Variants in PLG observed in about 807,000 individuals in gnomAD.
PLG encodes plasmin.
In PLG, 41 loss-of-function variants were observed where a neutral mutation model predicts 104.4. The ratio of observed to expected loss-of-function variants is 0.39; its 90% confidence interval spans 0.31 to 0.51. PLG has a LOEUF of 0.51. Ranked by LOEUF, PLG falls within the 20% of genes least tolerant of loss-of-function variation. The pLI is 0.76. For synonymous variants in PLG, 337 were observed against 357.1 expected (o/e 0.94, Z 0.63); for missense variants, 891 against 1,003.6 (o/e 0.89, Z 1.52).
At chr6:160,722,325 C>A (rs1582939893) in intron 9 of PLG, 83 bp from the exon 10 acceptor site, 2 of 899,238 alleles carry the variant, frequency 2.2e-6, no homozygotes, top group Non-Finnish European at 1.9e-6. Context: ...TCAGAGGCTA[C>A]CGTACTGTTT....
intron 1 of PLG, among the ~76,000 whole-genome samples, chr6:160,703,565 A>G (rs1009243581): frequency 6.6e-6 from 1 of 152,250 alleles, no homozygotes; most frequent in Non-Finnish European, 1.5e-5. Context: ...TACGCTTGAA[A>G]TTCAATCTAT....
Position 160,738,704 on chromosome 6 carries a change from C to T in PLG, c.1877+92C>T, listed in dbSNP as rs1041219632. 1.1e-6 allele frequency: 1 copy of T among 900,592 alleles called. No individual in the cohort carries two copies. Among genetic ancestry groups the T allele is most frequent in the African/African-American group, 1.6e-5 (1 of 61,230 alleles). The allele number at this position is 900,592 out of a possible 1,614,324, so 55.8% of individuals were successfully genotyped here. A position where few individuals can be genotyped will look rare whatever the true frequency, so the allele number is the denominator to read the frequency against. The stretch of plus-strand genomic sequence containing the variant: ...TTTCCTCCTTTCCTTTCTCACTCTT[C>T]CTCCCTTCCTTCTCTGGCTGTGACA... On this transcript the variant is annotated intron_variant, in intron 15 of 18. Coordinates refer to ENST00000308192, the MANE Select transcript of PLG (RefSeq NM_000301.5). This position sits in a 1 kb window ranked among gnomAD's most constrained non-coding sequence, Gnocchi z 6.8.
rs746782020 is a variant in PLG at position 160,726,314 on chromosome 6, A to G, written c.1256+3747A>G. On this transcript the variant is annotated intron_variant, in intron 10 of 18. Coordinates refer to ENST00000308192, the MANE Select transcript of PLG (RefSeq NM_000301.5). The surrounding 1 kb of genome is among the most constrained non-coding windows in gnomAD (Gnocchi z 4.4). ...AATTGGGAAATTATCAAATATCTGA[A>G]AATGAAACAACACATTTCCAAATAC... Among the ~76,000 whole-genome samples the G allele has an allele frequency of 7.2e-5, 11 of 152,106 alleles. No homozygotes were observed. Among genetic ancestry groups the G allele is most frequent in the Non-Finnish European group, 1.2e-4 (8 of 67,934 alleles).
At chr6:160,720,400 C>CT (rs951936874) in intron 9 of PLG, among the ~76,000 whole-genome samples, 1 of 83,654 alleles carries the variant, frequency 1.2e-5, no homozygotes, top group Non-Finnish European at 2.4e-5. Flanking sequence ...TCTCTTTTTT[C>CT]TTTTCTTTTC....
chr6:160,703,396 A>G (rs1777458820), intron 1 of PLG, among the ~76,000 whole-genome samples: 1 of 152,220 alleles, frequency 6.6e-6, no homozygotes, highest in Non-Finnish European at 1.5e-5. Context: ...AAAACTATTC[A>G]TACCCCCAAA....
rs1212148187 is a variant in PLG at position 160,739,619 on chromosome 6, G to A, written c.2018+411G>A. On this transcript the variant is annotated intron_variant, in intron 16 of 18. Transcript: ENST00000308192. This position sits in a 1 kb window ranked among gnomAD's most constrained non-coding sequence, Gnocchi z 4.4. ...TTTAAAAACCACAAGATCGAGTTGG[G>A]TGTCTGGTGTGGGTGCCTGTAATCC... is the stretch of plus-strand genomic sequence containing the variant. Among the ~76,000 whole-genome samples, 1 of 151,710 alleles carries A rather than the reference G, an allele frequency of 6.6e-6. No individual in the cohort carries two copies. The highest frequency in any genetic ancestry group is 1.5e-5 in the Non-Finnish European group (1 of 67,904).
At chr6:160,749,759 C>T (rs932213322) in intron 17 of PLG, among the ~76,000 whole-genome samples, 3 of 152,060 alleles carry the variant, frequency 2.0e-5, no homozygotes, top group Admixed American at 2.0e-4. Flanking sequence ...GTACCATCAC[C>T]ATCACCACCG....
chr6:160,714,634 C>A (rs560919229), intron 5 of PLG, among the ~76,000 whole-genome samples, 160 bp from the exon 6 acceptor site: 1 of 143,648 alleles, frequency 7.0e-6, no homozygotes, highest in Non-Finnish European at 1.6e-5. Context: ...AATCCTGAGT[C>A]CTTATTGCCA....
rs1370634112 is a variant in PLG at position 160,719,650 on chromosome 6, TA to T, written c.1096+815del. ...GAGTTTATCTCCACTACTCACTTAG[TA>T]AATTAATTTTTAATGGTTTTAGTAT... On this transcript the variant is annotated intron_variant, in intron 9 of 18. Coordinates refer to ENST00000308192, the MANE Select transcript of PLG (RefSeq NM_000301.5). This position sits in a 1 kb window ranked among gnomAD's most constrained non-coding sequence, Gnocchi z 4.1. Among the ~76,000 whole-genome samples, 2 of 152,180 alleles carry T rather than the reference TA, an allele frequency of 1.3e-5. No individual in the cohort carries two copies. Among genetic ancestry groups the T allele is most frequent in the Non-Finnish European group, 2.9e-5 (2 of 68,010 alleles).
At position 160,739,440 on chromosome 6, in the gene PLG, T is replaced by G. The variant is rs1351478988; in HGVS notation, c.2018+232T>G. 1.3e-5 allele frequency among the ~76,000 whole-genome samples: 2 copies of G among 152,176 alleles called. No homozygotes were observed. Among genetic ancestry groups the G allele is most frequent in the Non-Finnish European group, 2.9e-5 (2 of 68,022 alleles). ...TTCTCATGTGGAAAAAGAGTTGAAA[T>G]GAGGTACTCTGTTACTCCTAGAACT... On this transcript the variant is annotated intron_variant, in intron 16 of 18. Transcript: ENST00000308192. The surrounding 1 kb of genome is among the most constrained non-coding windows in gnomAD (Gnocchi z 4.4).
rs9365206 is a variant in PLG, at chr6:160,727,487, A to T, written c.1257-3564A>T. 9.9e-5 allele frequency among the ~76,000 whole-genome samples: 15 copies of T among 151,768 alleles called. No homozygotes were observed. The East Asian group carries it at 2.9e-3, about 29-fold the overall frequency. On this transcript the variant is annotated intron_variant, in intron 10 of 18. Coordinates refer to ENST00000308192, the MANE Select transcript of PLG (RefSeq NM_000301.5). ...AAACCCTAGTTGTAAAAAAGTAGAC[A>T]AGGATATTGTGAGAAACTATAGCAC...
At chr6:160,745,813 G>A (rs1778268028) in intron 17 of PLG, among the ~76,000 whole-genome samples, 1 of 152,184 alleles carries the variant, frequency 6.6e-6, no homozygotes, top group African/African-American at 2.4e-5. Flanking sequence ...AAGATCTCTT[G>A]TAAGGCAGTT....
At position 160,734,278 on chromosome 6, in the gene PLG, C is replaced by A. The variant is rs964368863; in HGVS notation, c.1681+190C>A. Reference sequence around the variant, plus strand: ...CACATTTGTTAGAGGAACACCTGCCCATCGCCCCAGGCACACATAAATAAA... The same window carrying A: ...CACATTTGTTAGAGGAACACCTGCCAATCGCCCCAGGCACACATAAATAAA... On this transcript the variant is annotated intron_variant, in intron 13 of 18. Transcript: ENST00000308192. This position sits in a 1 kb window ranked among gnomAD's most constrained non-coding sequence, Gnocchi z 4.4. Among the ~76,000 whole-genome samples the A allele has an allele frequency of 1.3e-5, 2 of 152,100 alleles. No homozygotes were observed. The highest frequency in any genetic ancestry group is 2.9e-5 in the Non-Finnish European group (2 of 68,024).
chr6:160,750,458 G>A (rs1263334004), intron 17 of PLG, among the ~76,000 whole-genome samples: 1 of 152,208 alleles, frequency 6.6e-6, no homozygotes, highest in Admixed American at 6.5e-5. Flanking sequence ...TGCTCAGAGA[G>A]CAGATCCCAG....
At position 160,724,362 on chromosome 6, in the gene PLG, T is replaced by C. The variant is rs1777891574; in HGVS notation, c.1256+1795T>C. On this transcript the variant is annotated intron_variant, in intron 10 of 18. Coordinates refer to ENST00000308192, the MANE Select transcript of PLG (RefSeq NM_000301.5). This position sits in a 1 kb window ranked among gnomAD's most constrained non-coding sequence, Gnocchi z 5.0. The stretch of plus-strand genomic sequence containing the variant: ...GCTACCCTTACCATCAGGTTAGACA[T>C]TACAGAAGAAAAAGTTAACTAGAAA... Among the ~76,000 whole-genome samples, 1 of 152,068 alleles carries C rather than the reference T, an allele frequency of 6.6e-6. No individual in the cohort carries two copies. Among genetic ancestry groups the C allele is most frequent in the South Asian group, 2.1e-4 (1 of 4,820 alleles).
Position 160,744,788 on chromosome 6 carries a change from A to T in PLG, c.2125+3371A>T, listed in dbSNP as rs2115184081. Among the ~76,000 whole-genome samples the T allele has an allele frequency of 6.6e-6, 1 of 152,192 alleles. No homozygotes were observed. Among genetic ancestry groups the T allele is most frequent in the Admixed American group, 6.5e-5 (1 of 15,282 alleles). Reference sequence around the variant, plus strand: ...TGAGATCTTTCTTCTTGATGCTAGCATTTGGTGCTATGAATTTCTCTCTTA... The same window carrying T: ...TGAGATCTTTCTTCTTGATGCTAGCTTTTGGTGCTATGAATTTCTCTCTTA... On this transcript the variant is annotated intron_variant, in intron 17 of 18. Coordinates refer to ENST00000308192, the MANE Select transcript of PLG (RefSeq NM_000301.5). This position sits in a 1 kb window ranked among gnomAD's most constrained non-coding sequence, Gnocchi z 4.5.
At chr6:160,751,619 T>G (rs753434060) in intron 17 of PLG, among the ~76,000 whole-genome samples, 2 of 152,160 alleles carry the variant, frequency 1.3e-5, no homozygotes, top group Non-Finnish European at 1.5e-5. Flanking sequence ...TTTTCCTCAT[T>G]CCCAAAGGAA....
chr6:160,731,989 C>CT lies in PLG; in HGVS notation c.1587+102dup, dbSNP rs1319863126. The CT allele has an allele frequency of 6.3e-6, 8 of 1,276,696 alleles. No homozygotes were observed. The highest frequency in any genetic ancestry group is 3.6e-5 in the South Asian group (3 of 83,976). The allele number at this position is 1,276,696 out of a possible 1,614,324, so 79.1% of individuals were successfully genotyped here. A position where few individuals can be genotyped will look rare whatever the true frequency, so the allele number is the denominator to read the frequency against. On this transcript the variant is annotated intron_variant, in intron 12 of 18. Coordinates refer to ENST00000308192, the MANE Select transcript of PLG (RefSeq NM_000301.5). The surrounding 1 kb of genome is among the most constrained non-coding windows in gnomAD (Gnocchi z 5.1). ...TACAGAAAATCTGACCTGGACTGCT[C>CT]TTTTTTGTAATGGGGGAGAGGGGAC... is the stretch of plus-strand genomic sequence containing the variant.
chr6:160,710,767 A>C (rs4252077), intron 3 of PLG, among the ~76,000 whole-genome samples: 1 of 151,132 alleles, frequency 6.6e-6, no homozygotes, highest in African/African-American at 2.4e-5. Flanking sequence ...ATTTCCTGTA[A>C]CCCCCCTGCC....
Sources: allele counts gnomAD v4.1 joint callset (sites outside exome capture counted in the v4.1 genomes callset), GRCh38; gene constraint gnomAD v4.1.1; non-coding constraint Gnocchi (gnomAD v3.1); transcripts MANE v1.5; gene names NCBI Gene and HGNC (gene_info 2026-07-23, HGNC 2026-07-21).